Variants in RPRD2 observed in about 807,000 individuals in gnomAD.
RPRD2 encodes the protein regulation of nuclear pre-mRNA domain-containing protein 2.
In RPRD2, 12 loss-of-function variants were observed where a neutral mutation model predicts 104.4. That is an observed-to-expected ratio of 0.11 (90% CI 0.07 to 0.19). The LOEUF is 0.19. Among genes scored for constraint, RPRD2 ranks in the 10% least tolerant of loss-of-function variants. RPRD2 has a pLI of 1.00. For missense variants in RPRD2, 1,543 were observed against 1,790.1 expected (o/e 0.86, Z 2.49); for synonymous variants, 714 against 684.9 (o/e 1.04, Z -0.66).
intron 1 of RPRD2, among the ~76,000 whole-genome samples, chr1:150,369,549 C>T (rs1482860281): frequency 3.5e-5 from 5 of 142,148 alleles, no homozygotes; most frequent in Admixed American, 1.5e-4. Flanking sequence ...CTCCGCCTCC[C>T]GGGTTCACGC....
chr1:150,371,939 C>CTA (rs1660335691), intron 1 of RPRD2, among the ~76,000 whole-genome samples: 1 of 151,902 alleles, frequency 6.6e-6, no homozygotes, highest in African/African-American at 2.4e-5. Flanking sequence ...TGTGGCATAA[C>CTA]TATCTCTTAG....
chr1:150,405,107 G>A (rs182975739), intron 1 of RPRD2, among the ~76,000 whole-genome samples: 2 of 152,216 alleles, frequency 1.3e-5, no homozygotes, highest in Non-Finnish European at 2.9e-5. Flanking sequence ...GGAGGATTTG[G>A]TATGGTTTGT....
At chr1:150,425,305 TAC>T in intron 2 of RPRD2, among the ~76,000 whole-genome samples, 1 of 152,308 alleles carries the variant, frequency 6.6e-6, no homozygotes, top group South Asian at 2.1e-4. Flanking sequence ...TAGCAAGGCA[TAC>T]TCTGAAAACC....
At chr1:150,427,221 C>A (rs1553890725) in intron 2 of RPRD2, among the ~76,000 whole-genome samples, 2 of 152,012 alleles carry the variant, frequency 1.3e-5, no homozygotes, top group African/African-American at 4.8e-5. Flanking sequence ...GCCTGTAATC[C>A]CAGCACCTTG....
chr1:150,444,020 AAAAT>A (rs1482884470), intron 5 of RPRD2, among the ~76,000 whole-genome samples: 12 of 152,318 alleles, frequency 7.9e-5, no homozygotes, highest in Non-Finnish European at 1.2e-4. Context: ...TCCATTTCAA[AAAAT>A]AAATAAATAA....
At chr1:150,412,291 C>T (rs1166194087) in intron 1 of RPRD2, among the ~76,000 whole-genome samples, 2 of 152,142 alleles carry the variant, frequency 1.3e-5, no homozygotes, top group Non-Finnish European at 2.9e-5. Context: ...TTACCTCAAC[C>T]ACTTTTTTTC....
At chr1:150,405,546 C>T (rs1221911203) in intron 1 of RPRD2, among the ~76,000 whole-genome samples, 1 of 151,884 alleles carries the variant, frequency 6.6e-6, no homozygotes, top group Admixed American at 6.6e-5. Context: ...AACATGAAGC[C>T]GATTTAGGGA....
In RPRD2 at chr1:150,444,262, A is replaced by G. The variant is rs782410416; in HGVS notation, c.579A>G (p.Leu193=). Residue 193 remains leucine, a synonymous_variant, in exon 6 of 11, where the codon CTA becomes CTG. Coordinates refer to ENST00000369068, the MANE Select transcript of RPRD2 (RefSeq NM_015203.5). The part of the protein sequence containing the change: ...KIVAEFRSQA[L]IEELLLYKRS... Reference sequence around the variant, plus strand: ...TGGTCTGTGTTTAGTCTCAGGCCCTAATTGAAGAGCTGTTGCTATACAAGC... The same window carrying G: ...TGGTCTGTGTTTAGTCTCAGGCCCTGATTGAAGAGCTGTTGCTATACAAGC... 6.2e-7 allele frequency: 1 copy of G among 1,613,304 alleles called. No individual in the cohort carries two copies. Among genetic ancestry groups the G allele is most frequent in the Non-Finnish European group, 8.5e-7 (1 of 1,179,588 alleles).
intron 1 of RPRD2, among the ~76,000 whole-genome samples, chr1:150,393,936 A>AT (rs1662288207): frequency 6.6e-6 from 1 of 152,166 alleles, no homozygotes; most frequent in South Asian, 2.1e-4. Flanking sequence ...ATAACAGTAT[A>AT]TAAAAAAAAA....
At chr1:150,397,772 A>T (rs914321476) in intron 1 of RPRD2, among the ~76,000 whole-genome samples, 5 of 152,156 alleles carry the variant, frequency 3.3e-5, no homozygotes, top group African/African-American at 1.2e-4. Context: ...ATTGAGACAG[A>T]GTCTTGCTCT....
chr1:150,426,999 G>T (rs1365415813), intron 2 of RPRD2, among the ~76,000 whole-genome samples: 5 of 151,982 alleles, frequency 3.3e-5, no homozygotes, highest in Admixed American at 3.3e-4. Flanking sequence ...ACAAAAATTA[G>T]CCGGGCATGG....
intron 1 of RPRD2, among the ~76,000 whole-genome samples, chr1:150,368,948 A>T (rs139744233): frequency 2.0e-5 from 3 of 152,170 alleles, no homozygotes; most frequent in Non-Finnish European, 4.4e-5. Context: ...CTGTCACATC[A>T]TCTTATTTTC....
At chr1:150,432,833 C>T (rs906105626) in intron 2 of RPRD2, among the ~76,000 whole-genome samples, 1 of 151,478 alleles carries the variant, frequency 6.6e-6, no homozygotes, top group African/African-American at 2.4e-5. Context: ...GAAATTTAGC[C>T]AGGTGTGGTG....
chr1:150,412,123 CA>C (rs1203612695), intron 1 of RPRD2, among the ~76,000 whole-genome samples: 1 of 150,166 alleles, frequency 6.7e-6, no homozygotes, highest in Non-Finnish European at 1.5e-5. Context: ...ACTAAGTCTC[CA>C]AAAAAAAGAA....
chr1:150,461,744 G>A (rs1336748387), intron 9 of RPRD2, among the ~76,000 whole-genome samples: 4 of 152,126 alleles, frequency 2.6e-5, no homozygotes, highest in African/African-American at 9.7e-5. Context: ...ACTTTGGGAG[G>A]CCGAGGCGGG....
intron 2 of RPRD2, among the ~76,000 whole-genome samples, chr1:150,436,272 A>G (rs587775119): frequency 6.6e-6 from 1 of 152,320 alleles, no homozygotes; most frequent in East Asian, 1.9e-4. Flanking sequence ...CCCATGGTTA[A>G]AGGAGTAATT....
intron 2 of RPRD2, among the ~76,000 whole-genome samples, chr1:150,433,686 C>T (rs887154194): frequency 4.6e-4 from 64 of 139,756 alleles, no homozygotes; most frequent in Admixed American, 3.4e-3. Context: ...CCTCGTGATC[C>T]GCCCGCCTCG....
chr1:150,400,268 G>T (rs991990980), intron 1 of RPRD2, among the ~76,000 whole-genome samples: 2 of 152,118 alleles, frequency 1.3e-5, no homozygotes, highest in African/African-American at 2.4e-5. Context: ...ATTTTGTAGG[G>T]TCTCTGATTT....
At chr1:150,455,798 TA>T (rs1243297954) in intron 7 of RPRD2, among the ~76,000 whole-genome samples, 1 of 152,122 alleles carries the variant, frequency 6.6e-6, no homozygotes, top group Non-Finnish European at 1.5e-5. Context: ...TTCTAACACC[TA>T]AAACTTCTTT....
Sources: allele counts gnomAD v4.1 joint callset (sites outside exome capture counted in the v4.1 genomes callset), GRCh38; gene constraint gnomAD v4.1.1; transcripts MANE v1.5; gene names NCBI Gene and HGNC (gene_info 2026-07-23, HGNC 2026-07-21).